CENPS: variants seen among roughly 807,000 people sequenced by gnomAD.
The protein encoded by CENPS is centromere protein S.
CENPS carries 16 observed loss-of-function variants against 17.9 expected under a neutral mutation model. That is an observed-to-expected ratio of 0.90 (90% CI 0.61 to 1.36). The LOEUF is 1.36. Among genes scored for constraint, CENPS ranks in the 40% most tolerant of loss-of-function variants. The pLI is 0.00. For missense variants in CENPS, 160 were observed against 158.6 expected (o/e 1.01, Z -0.05); for synonymous variants, 49 against 55.8 (o/e 0.88, Z 0.54).
chr1:10,441,301 C>T (rs1211991304), intron 4 of CENPS, among the ~76,000 whole-genome samples: 3 of 143,098 alleles, frequency 2.1e-5, no homozygotes, highest in Admixed American at 7.2e-5. Flanking sequence ...GGATTACAGG[C>T]ATGTGCCACA....
Position 10,440,391 on chromosome 1 carries a change from T to TA in CENPS, c.255dup (p.Ala86SerfsTer5). ...ATTAACACTGAAGATGTGAAGCTCT[T>TA]AGCCAGGAGGAGTAATTCACTGGTG... On this transcript the variant is annotated frameshift_variant, in exon 4 of 5. Coordinates refer to ENST00000309048, the MANE Select transcript of CENPS (RefSeq NM_199294.3). LOFTEE classifies it low-confidence loss of function (END_TRUNC). The TA allele has an allele frequency of 1.9e-6, 3 of 1,614,084 alleles. No homozygotes were observed. Among genetic ancestry groups the TA allele is most frequent in the Non-Finnish European group, 2.5e-6 (3 of 1,179,998 alleles).
intron 1 of CENPS, among the ~76,000 whole-genome samples, chr1:10,432,016 T>C (rs979475366): frequency 1.3e-5 from 2 of 152,124 alleles, no homozygotes; most frequent in Non-Finnish European, 2.9e-5. Context: ...TTTTCCTTCA[T>C]CCAGGATTCA....
At chr1:10,433,693 A>G (rs1300725591) in intron 1 of CENPS, 149 bp from the exon 2 acceptor site, 1 of 1,428,102 alleles carries the variant, frequency 7.0e-7, no homozygotes, top group African/African-American at 1.4e-5. Context: ...TCATTAACTT[A>G]TTAGTACACT....
chr1:10,431,509 G>A lies in CENPS; in HGVS notation c.51+941G>A, dbSNP rs1639913339. ...CCCCGCGATTGGAGAATTAATTGCA[G>A]ATATTTTGACACTTCGCCTTTACAT... On this transcript the variant is annotated intron_variant, in intron 1 of 4. Transcript: ENST00000309048. The A allele has an allele frequency of 6.1e-6, 8 of 1,320,046 alleles. 1 individual carries two copies. In the South Asian group the frequency reaches 1.1e-4, roughly 17 times the overall value. 81.8% of individuals were successfully genotyped at this position (1,320,046 alleles called of 1,614,324 possible).
At chr1:10,430,612 T>C (rs1639856908) in intron 1 of CENPS, 44 bp downstream of exon 1, 1 of 1,524,186 alleles carries the variant, frequency 6.6e-7, no homozygotes, top group Non-Finnish European at 8.8e-7. Flanking sequence ...CAGGACGGCG[T>C]CGAGTTTCTG....
rs1293282756 is a variant in CENPS, at chr1:10,430,472, G to A, written c.-46G>A. The A allele has an allele frequency of 8.5e-6, 13 of 1,529,226 alleles. No homozygotes were observed. Among genetic ancestry groups the A allele is most frequent in the Non-Finnish European group, 1.1e-5 (13 of 1,139,016 alleles). 94.7% of individuals were successfully genotyped at this position (1,529,226 alleles called of 1,614,324 possible). On this transcript the variant is annotated 5_prime_UTR_variant, in exon 1 of 5. Coordinates refer to ENST00000309048, the MANE Select transcript of CENPS (RefSeq NM_199294.3). ...AAATCCGACCTGGCCGCGCACCACC[G>A]CCCCTTCTCGGCCCTCCTGCGTTTG...
intron 1 of CENPS, chr1:10,431,126 C>G (rs1251365875): frequency 7.0e-7 from 1 of 1,422,634 alleles, no homozygotes; most frequent in African/African-American, 1.4e-5. Context: ...GCAAAATCGT[C>G]ATAAGAATAA....
At chr1:10,431,046 T>C in intron 1 of CENPS, 1 of 1,349,478 alleles carries the variant, frequency 7.4e-7, no homozygotes, top group Non-Finnish European at 9.6e-7. Context: ...CGTCCTTAGA[T>C]GTGGGTTCGA....
chr1:10,431,050 G>A, intron 1 of CENPS: 1 of 1,354,502 alleles, frequency 7.4e-7, no homozygotes. Context: ...CTTAGATGTG[G>A]GTTCGAATCT....
At chr1:10,433,226 G>A (rs1383139150) in intron 1 of CENPS, among the ~76,000 whole-genome samples, 2 of 152,168 alleles carry the variant, frequency 1.3e-5, no homozygotes, top group African/African-American at 4.8e-5. Flanking sequence ...TTTTCTGCAA[G>A]GGGTGGAGAG....
intron 3 of CENPS, 84 bp from the exon 4 acceptor site, chr1:10,440,263 A>T: frequency 2.0e-6 from 3 of 1,538,130 alleles, no homozygotes; most frequent in Non-Finnish European, 1.8e-6. Context: ...TGCTAGTTTG[A>T]AGTCTGACCG....
chr1:10,434,250 T>A (rs895038308), intron 2 of CENPS, among the ~76,000 whole-genome samples: 2 of 152,232 alleles, frequency 1.3e-5, no homozygotes, highest in Admixed American at 6.5e-5. Context: ...AATTCTTTAT[T>A]TCAGTGCTTT....
chr1:10,433,156 G>A (rs1028534104), intron 1 of CENPS, among the ~76,000 whole-genome samples: 6 of 152,150 alleles, frequency 3.9e-5, no homozygotes, highest in African/African-American at 1.4e-4. Flanking sequence ...CTGTCGACAC[G>A]TGGCTGAGAC....
At chr1:10,436,797 G>A (rs2483684) in intron 3 of CENPS, among the ~76,000 whole-genome samples, 73,100 of 151,256 alleles carry the variant, frequency 0.48, 17,806 homozygotes, top group South Asian at 0.58. Flanking sequence ...CAGTGATGAG[G>A]CTCCAGGAGT....
At chr1:10,431,055 G>C (rs1639888775) in intron 1 of CENPS, 3 of 1,356,470 alleles carry the variant, frequency 2.2e-6, no homozygotes, top group Non-Finnish European at 2.9e-6. Flanking sequence ...ATGTGGGTTC[G>C]AATCTCTGCC....
At chr1:10,434,737 T>G in intron 3 of CENPS, 47 bp downstream of exon 3, 1 of 1,558,148 alleles carries the variant, frequency 6.4e-7, no homozygotes, top group Non-Finnish European at 8.6e-7. Flanking sequence ...TGTAGCTTTT[T>G]GGGGCCTCTC....
At chr1:10,441,643 T>TAA (rs1640417976) in intron 4 of CENPS, among the ~76,000 whole-genome samples, 1 of 98,062 alleles carries the variant, frequency 1.0e-5, no homozygotes, top group Admixed American at 1.1e-4. Context: ...TTTTTTTTTT[T>TAA]GAGATGGAGT....
chr1:10,442,368 A>C lies in CENPS; in HGVS notation c.380A>C (p.Gln127Pro). Residue 127 changes from glutamine to proline, a missense_variant, in exon 5 of 5, where the codon CAG (glutamine) becomes CCG (proline). Gln to Pro is a moderately conservative substitution (Grantham distance 76). Coordinates refer to ENST00000309048, the MANE Select transcript of CENPS (RefSeq NM_199294.3). The part of the protein sequence containing the change: ...KSEDGSKNSR[Q>P]PAEAGVVESE... Reference sequence around the variant, plus strand: ...GAGGATGGAAGCAAAAATTCAAGGCAGCCAGCAGAGGCTGGAGTGGTGGAA... The same window carrying C: ...GAGGATGGAAGCAAAAATTCAAGGCCGCCAGCAGAGGCTGGAGTGGTGGAA... 6.2e-7 allele frequency: 1 copy of C among 1,605,906 alleles called. No homozygotes were observed. The highest frequency in any genetic ancestry group is 2.2e-5 in the East Asian group (1 of 44,534).
At chr1:10,432,010 C>T (rs1343995774) in intron 1 of CENPS, among the ~76,000 whole-genome samples, 6 of 151,894 alleles carry the variant, frequency 4.0e-5, no homozygotes, top group African/African-American at 1.5e-4. Flanking sequence ...TGTCTTTTTT[C>T]CTTCATCCAG....
Sources: gnomAD v4.1 joint callset for allele counts (sites outside exome capture counted in the v4.1 genomes callset) on GRCh38, gnomAD v4.1.1 for gene constraint, MANE v1.5 for transcripts, NCBI Gene and HGNC (gene_info 2026-07-23, HGNC 2026-07-21) for gene names.